Variants in PPP2R2C observed in about 807,000 individuals in gnomAD.
PPP2R2C encodes protein phosphatase 2 regulatory subunit Bgamma.
Under a neutral mutation model 45.3 loss-of-function variants are expected in PPP2R2C, and 10 were observed. The observed-to-expected ratio is 0.22, with a 90% confidence interval of 0.14 to 0.37. PPP2R2C has a LOEUF of 0.37. PPP2R2C is among the 10% of genes least tolerant of loss of function. The probability of loss-of-function intolerance (pLI) is 1.00; values close to 1 mark genes in which losing one functional copy is unlikely to be tolerated. For synonymous variants in PPP2R2C, 257 were observed against 245.4 expected, an observed-to-expected ratio of 1.05 and a Z score of -0.44; for missense variants, 308 against 619.7, an observed-to-expected ratio of 0.50 and a Z score of 5.34.
chr4:6,498,041 C>A (rs1274884893), intron 2 of PPP2R2C, among the ~76,000 whole-genome samples: 1 of 152,210 alleles, frequency 6.6e-6, no homozygotes, highest in Non-Finnish European at 1.5e-5. Context: ...AGCTGACGTG[C>A]ACACCCAAAC....
intron 2 of PPP2R2C, among the ~76,000 whole-genome samples, chr4:6,496,730 G>A (rs1034586924): frequency 2.6e-5 from 4 of 152,004 alleles, no homozygotes; most frequent in Non-Finnish European, 5.9e-5. Flanking sequence ...GTGTGGTGGT[G>A]CATGCCTGTA....
chr4:6,378,456 G>A lies in PPP2R2C; in HGVS notation c.285C>T (p.Ile95=), dbSNP rs1474984078. 4 of 1,614,074 alleles carry A rather than the reference G, an allele frequency of 2.5e-6. No individual in the cohort carries two copies. In the South Asian group the frequency reaches 4.4e-5, roughly 18 times the overall value. ...SLEIEEKINK[I]KWLPQQNAAH... ...CGGCGTTCTGCTGTGGGAGCCACTT[G>A]ATCTTGTTGATCTTCTCCTCTATCT... is the stretch of plus-strand genomic sequence containing the variant. The change falls in exon 3 of 9, where the codon ATC becomes ATT. Residue 95 remains isoleucine (I), a synonymous_variant. Coordinates refer to ENST00000382599, the MANE Select transcript of PPP2R2C (RefSeq NM_020416.4). This position sits in a 1 kb window ranked among gnomAD's most constrained non-coding sequence, Gnocchi z 5.2.
At chr4:6,522,399 A>G (rs1007881594) in intron 2 of PPP2R2C, among the ~76,000 whole-genome samples, 2 of 152,158 alleles carry the variant, frequency 1.3e-5, no homozygotes, top group African/African-American at 2.4e-5. Context: ...GAGGTCCACA[A>G]TGTGCCCCCC....
rs1226231276 is a variant in PPP2R2C at position 6,332,141 on chromosome 4, C to T, written c.960+1421G>A. On this transcript the variant is annotated intron_variant, in intron 7 of 8. Coordinates refer to ENST00000382599, the MANE Select transcript of PPP2R2C (RefSeq NM_020416.4). This position sits in a 1 kb window ranked among gnomAD's most constrained non-coding sequence, Gnocchi z 4.9. ...CACATTCCACGTAGTTTCAGGGGTTCATGGGCCTTTGCTGACCTCAGGGAT... is the reference window on the plus strand; with the variant it reads ...CACATTCCACGTAGTTTCAGGGGTTTATGGGCCTTTGCTGACCTCAGGGAT... 6.6e-6 allele frequency among the ~76,000 whole-genome samples: 1 copy of T among 152,170 alleles called. No individual in the cohort carries two copies. The highest frequency in any genetic ancestry group is 1.5e-5 in the Non-Finnish European group (1 of 68,032).
chr4:6,332,790 G>A lies in PPP2R2C; in HGVS notation c.960+772C>T, dbSNP rs1334861333. Among the ~76,000 whole-genome samples, 3 of 152,114 alleles carry A rather than the reference G, an allele frequency of 2.0e-5. No homozygotes were observed. The highest frequency in any genetic ancestry group is 6.5e-5 in the Admixed American group (1 of 15,272). ...GCACCCCATGTGTGAGGAGTGACAC[G>A]GTGAGGAACCGGCTGGGGTTTCTGG... On this transcript the variant is annotated intron_variant, in intron 7 of 8. Coordinates refer to ENST00000382599, the MANE Select transcript of PPP2R2C (RefSeq NM_020416.4). This position sits in a 1 kb window ranked among gnomAD's most constrained non-coding sequence, Gnocchi z 4.9.
intron 1 of PPP2R2C, among the ~76,000 whole-genome samples, chr4:6,558,234 G>A (rs1725471755): frequency 6.6e-6 from 1 of 152,202 alleles, no homozygotes; most frequent in Non-Finnish European, 1.5e-5. Flanking sequence ...CTCCATAAGT[G>A]CCAGCTAAGA....
At chr4:6,560,822 C>T (rs370532602) in intron 1 of PPP2R2C, among the ~76,000 whole-genome samples, 26 of 152,352 alleles carry the variant, frequency 1.7e-4, no homozygotes, top group East Asian at 7.7e-4. Context: ...TCTGATGGAA[C>T]AGCAGAGCCT....
intron 5 of PPP2R2C, among the ~76,000 whole-genome samples, chr4:6,348,280 AC>A (rs1712196713): frequency 6.6e-6 from 1 of 150,974 alleles, no homozygotes; most frequent in African/African-American, 2.4e-5. Flanking sequence ...CCTCACCTGC[AC>A]CCCACCCCAG....
At chr4:6,511,523 TGATGG>T (rs1560593829) in intron 2 of PPP2R2C, among the ~76,000 whole-genome samples, 2 of 13,494 alleles carry the variant, frequency 1.5e-4, no homozygotes, top group Admixed American at 2.5e-3. Context: ...GTGGTGGTGG[TGATGG>T]TGGTGGTGGT....
At chr4:6,395,130 T>C (rs1032325119) in intron 1 of PPP2R2C, among the ~76,000 whole-genome samples, 7 of 152,114 alleles carry the variant, frequency 4.6e-5, no homozygotes, top group Admixed American at 1.3e-4. Context: ...TTTTCTAAAA[T>C]GAAAACCTCA....
intron 6 of PPP2R2C, among the ~76,000 whole-genome samples, chr4:6,346,073 C>G (rs563700268): frequency 6.6e-6 from 1 of 152,150 alleles, no homozygotes; most frequent in African/African-American, 2.4e-5. Context: ...AGGCAAAGCT[C>G]GACCTCCAAG....
At chr4:6,326,999 C>T (rs1441731567) in intron 8 of PPP2R2C, among the ~76,000 whole-genome samples, 3 of 152,236 alleles carry the variant, frequency 2.0e-5, no homozygotes, top group Admixed American at 1.3e-4. Flanking sequence ...TCTCCTGAGC[C>T]TCTGAGGCCC....
chr4:6,550,633 G>A (rs896299315), intron 1 of PPP2R2C, among the ~76,000 whole-genome samples: 2 of 152,084 alleles, frequency 1.3e-5, no homozygotes, highest in African/African-American at 4.8e-5. Context: ...CATCTTAGGG[G>A]GACACTCTTT....
Position 6,503,451 on chromosome 4 carries a change from G to A in PPP2R2C, c.49+31820C>T, listed in dbSNP as rs112944741. Among the ~76,000 whole-genome samples, 431 of 152,196 alleles carry A rather than the reference G, an allele frequency of 2.8e-3. 2 individuals carry two copies. The highest frequency in any genetic ancestry group is 9.7e-3 in the African/African-American group (402 of 41,510). ...TTTTCTTGGCCTTCTTTTTCTCCCT[G>A]ACACTCAGCATCTGCTAGCATAGTA... On this transcript the variant is annotated intron_variant, in intron 2 of 9. Transcript: ENST00000506140.
At position 6,360,534 on chromosome 4, in the gene PPP2R2C, C is replaced by T. The variant is rs139532640; in HGVS notation, c.625+11989G>A. Reference sequence around the variant, plus strand: ...GTCGCCATGGCAACCAAGCAGCCACCGGAGTTAGGGATGGAGGCAGCCCTG... The same window carrying T: ...GTCGCCATGGCAACCAAGCAGCCACTGGAGTTAGGGATGGAGGCAGCCCTG... On this transcript the variant is annotated intron_variant, in intron 5 of 8. Coordinates refer to ENST00000382599, the MANE Select transcript of PPP2R2C (RefSeq NM_020416.4). Among the ~76,000 whole-genome samples the T allele has an allele frequency of 3.9e-5, 6 of 152,330 alleles. No homozygotes were observed. The East Asian group carries it at 9.7e-4, about 25-fold the overall frequency.
In PPP2R2C at chr4:6,478,717, C is replaced by T. The variant is rs77803646; in HGVS notation, c.49+56554G>A. The stretch of plus-strand genomic sequence containing the variant: ...CAACACATGACAGCCCTGCCTCAGC[C>T]GGAATGAACTAGAAGACCACAGCCG... On this transcript the variant is annotated intron_variant, in intron 2 of 9. Coordinates refer to the PPP2R2C transcript ENST00000506140. 7.6e-3 allele frequency among the ~76,000 whole-genome samples: 1,155 copies of T among 152,312 alleles called. 20 individuals are homozygous for T. Among genetic ancestry groups the T allele is most frequent in the Non-Finnish European group, 7.0e-3 (478 of 68,022 alleles).
chr4:6,485,337 C>A (rs759572222), intron 2 of PPP2R2C, among the ~76,000 whole-genome samples: 14 of 151,790 alleles, frequency 9.2e-5, no homozygotes, highest in African/African-American at 1.7e-4. Flanking sequence ...CATGAGGACA[C>A]GAATTTTTTC....
At chr4:6,528,781 C>T (rs1050371032) in intron 2 of PPP2R2C, among the ~76,000 whole-genome samples, 2 of 152,296 alleles carry the variant, frequency 1.3e-5, no homozygotes, top group South Asian at 4.2e-4. Context: ...CTGGCTCATC[C>T]TGGCTCAAAA....
chr4:6,327,235 A>G (rs1732015928), intron 8 of PPP2R2C, among the ~76,000 whole-genome samples: 1 of 152,244 alleles, frequency 6.6e-6, no homozygotes, highest in African/African-American at 2.4e-5. Flanking sequence ...AAACAAGGAC[A>G]GAGGTTCCAG....
Sources: gnomAD v4.1 joint callset for allele counts (sites outside exome capture counted in the v4.1 genomes callset) on GRCh38, gnomAD v4.1.1 for gene constraint, Gnocchi (gnomAD v3.1) non-coding constraint, MANE v1.5 for transcripts, NCBI Gene and HGNC (gene_info 2026-07-23, HGNC 2026-07-21) for gene names.